ANKMY1: variants seen among roughly 807,000 people sequenced by gnomAD.
ANKMY1 encodes ankyrin repeat and MYND domain containing 1, also known as ankyrin repeat and MYND domain-containing protein 1.
Under a neutral mutation model 102.0 loss-of-function variants are expected in ANKMY1, and 98 were observed. That is an observed-to-expected ratio of 0.96 (90% CI 0.82 to 1.14). The LOEUF is 1.14. ANKMY1 is among the 50% of genes most tolerant of loss of function. ANKMY1 has a pLI of 0.00. For missense variants in ANKMY1, 1,330 were observed against 1,347.6 expected, an observed-to-expected ratio of 0.99 and a Z score of 0.20; for synonymous variants, 582 against 559.9, an observed-to-expected ratio of 1.04 and a Z score of -0.56.
chr2:240,560,885 C>A, upstream of ANKMY1: 1 of 1,508,674 alleles, frequency 6.6e-7, no homozygotes, highest in African/African-American at 1.4e-5. Flanking sequence ...CAGAGCTGCG[C>A]GTGCCCGTGT....
chr2:240,499,886 G>A lies in ANKMY1; in HGVS notation c.2806+72C>T. 1.3e-6 allele frequency: 2 copies of A among 1,505,152 alleles called. No individual in the cohort carries two copies. The highest frequency in any genetic ancestry group is 2.4e-5 in the East Asian group (1 of 42,412). 93.2% of individuals were successfully genotyped at this position (1,505,152 alleles called of 1,614,324 possible). A position where few individuals can be genotyped will look rare whatever the true frequency, so the allele number is the denominator to read the frequency against. On this transcript the variant is annotated intron_variant, in intron 15 of 17. Coordinates refer to ENST00000401804, the MANE Select transcript of ANKMY1 (RefSeq NM_001282771.3). The surrounding 1 kb of genome is among the most constrained non-coding windows in gnomAD (Gnocchi z 4.2). ...GAGCCCCAGGGGGTCCAGATCTCCA[G>A]GGATAACAGCCCCAGGCACGAGGCC...
chr2:240,500,827 G>T (rs565677458), intron 13 of ANKMY1, among the ~76,000 whole-genome samples: 19 of 152,276 alleles, frequency 1.2e-4, no homozygotes, highest in African/African-American at 4.6e-4. Context: ...GCCCTCCCTG[G>T]CACCCGACTC....
chr2:240,502,159 TG>T (rs770064227), intron 13 of ANKMY1, among the ~76,000 whole-genome samples: 22 of 151,822 alleles, frequency 1.4e-4, no homozygotes, highest in Non-Finnish European at 2.8e-4. Context: ...CTGGGGGACT[TG>T]CCAGCCCACC....
At chr2:240,560,028 A>G (rs772867314), upstream of ANKMY1, 5 of 152,416 alleles carry the variant, frequency 3.3e-5, no homozygotes, top group Admixed American at 2.0e-4. Flanking sequence ...CCAATAAATT[A>G]CTTAGAAACA....
chr2:240,532,604 G>C (rs1227326396), intron 4 of ANKMY1, among the ~76,000 whole-genome samples: 2 of 152,152 alleles, frequency 1.3e-5, no homozygotes, highest in Admixed American at 1.3e-4. Context: ...AGACTAGATA[G>C]ATAGACATAG....
chr2:240,481,615 G>A (rs2075400077), intron 16 of ANKMY1, among the ~76,000 whole-genome samples: 1 of 152,198 alleles, frequency 6.6e-6, no homozygotes, highest in Non-Finnish European at 1.5e-5. Flanking sequence ...CAGGGTTTAT[G>A]AGGTGGGGAT....
intron 11 of ANKMY1, 23 bp from the exon 12 acceptor site, chr2:240,509,478 T>G: frequency 2.6e-6 from 4 of 1,551,572 alleles, no homozygotes; most frequent in Non-Finnish European, 3.5e-6. Flanking sequence ...AAATGACAGG[T>G]TAGAGAGGCA....
Position 240,533,170 on chromosome 2 carries a change from G to A in ANKMY1, c.481-3661C>T, listed in dbSNP as rs187266983. On this transcript the variant is annotated intron_variant, in intron 4 of 17. Coordinates refer to ENST00000401804, the MANE Select transcript of ANKMY1 (RefSeq NM_001282771.3). ...GAATGCATGCTGTAATTTTTAGGGT[G>A]TTGCTAAAATAATAGAAAAAGAGTG... is the stretch of plus-strand genomic sequence containing the variant. Among the ~76,000 whole-genome samples the A allele has an allele frequency of 5.6e-4, 85 of 152,294 alleles. No individual in the cohort carries two copies. In the East Asian group the frequency reaches 0.014, roughly 26 times the overall value.
intron 9 of ANKMY1, 60 bp from the exon 10 acceptor site, chr2:240,513,002 G>A: frequency 6.4e-7 from 1 of 1,559,258 alleles, no homozygotes; most frequent in East Asian, 2.3e-5. Flanking sequence ...AGACAGGTGA[G>A]GTACCTGAGG....
chr2:240,501,773 G>A (rs1313197936), intron 13 of ANKMY1, among the ~76,000 whole-genome samples: 4 of 152,228 alleles, frequency 2.6e-5, no homozygotes, highest in African/African-American at 9.6e-5. Flanking sequence ...GGCCTGAACG[G>A]CTGACTCCCT....
At position 240,518,096 on chromosome 2, in the gene ANKMY1, G is replaced by A. The variant is rs114559266; in HGVS notation, c.2004+2266C>T. On this transcript the variant is annotated intron_variant, in intron 9 of 17. Coordinates refer to ENST00000401804, the MANE Select transcript of ANKMY1 (RefSeq NM_001282771.3). ...CTCATGATTGAGGAATTGACGAATGGGGGGGAAGGGTGTTGAAACGGGCCC... is the reference window on the plus strand; with the variant it reads ...CTCATGATTGAGGAATTGACGAATGAGGGGGAAGGGTGTTGAAACGGGCCC... Among the ~76,000 whole-genome samples, 959 of 152,268 alleles carry A rather than the reference G, an allele frequency of 6.3e-3. 12 individuals are homozygous for A. Among genetic ancestry groups the A allele is most frequent in the African/African-American group, 0.022 (906 of 41,546 alleles).
intron 15 of ANKMY1, among the ~76,000 whole-genome samples, chr2:240,491,146 G>A (rs954724580): frequency 7.0e-6 from 1 of 142,016 alleles, no homozygotes; most frequent in Non-Finnish European, 1.5e-5. Context: ...TCTGATATAA[G>A]TATACCTAGT....
downstream of ANKMY1, among the ~76,000 whole-genome samples, chr2:240,478,549 C>T (rs1211960291): frequency 2.0e-5 from 3 of 152,048 alleles, no homozygotes; most frequent in East Asian, 3.9e-4. Flanking sequence ...GGTGACCAGC[C>T]GATGCAGGGG....
intron 3 of ANKMY1, 130 bp downstream of exon 3, chr2:240,554,735 AG>A (rs1378919912): frequency 9.6e-7 from 1 of 1,045,192 alleles, no homozygotes; most frequent in Non-Finnish European, 1.4e-6. Flanking sequence ...TTTCTCAAGG[AG>A]GAAAAACTTT....
rs2152320919 is a variant in ANKMY1, at chr2:240,520,724, CCACACCAGAGCGCACACACACGG to C, written c.1833-214_1833-192del. ...CACACAGCACACAACTACACACAAG[CCACACCAGAGCGCACACACACGG>C]CACACACAGCACACCACACAGCACA... On this transcript the variant is annotated intron_variant, in intron 8 of 17. Transcript: ENST00000401804. The surrounding 1 kb of genome is among the most constrained non-coding windows in gnomAD (Gnocchi z 4.8). Among the ~76,000 whole-genome samples, 1 of 151,650 alleles carries C rather than the reference CCACACCAGAGCGCACACACACGG, an allele frequency of 6.6e-6. No individual in the cohort carries two copies. The highest frequency in any genetic ancestry group is 6.6e-5 in the Admixed American group (1 of 15,206).
intron 15 of ANKMY1, among the ~76,000 whole-genome samples, chr2:240,493,057 C>T (rs1012208950): frequency 2.6e-5 from 4 of 151,924 alleles, no homozygotes; most frequent in African/African-American, 9.7e-5. Flanking sequence ...GGTGTGGTGG[C>T]TCACACCTGT....
intron 6 of ANKMY1, 120 bp from the exon 7 acceptor site, chr2:240,525,969 A>C: frequency 5.4e-6 from 7 of 1,303,828 alleles, no homozygotes; most frequent in South Asian, 5.3e-5. Flanking sequence ...ACCAGTGCTC[A>C]TTCGGGAGCT....
At chr2:240,555,257 G>A in intron 2 of ANKMY1, 3 of 607,696 alleles carry the variant, frequency 4.9e-6, no homozygotes, top group Admixed American at 5.9e-5. Context: ...ACAGGAAGTG[G>A]AATGCACAGT....
At chr2:240,551,247 CT>C (rs1308075529) in intron 4 of ANKMY1, among the ~76,000 whole-genome samples, 1 of 151,196 alleles carries the variant, frequency 6.6e-6, no homozygotes, top group Non-Finnish European at 1.5e-5. Flanking sequence ...TTGAAATATA[CT>C]TTAAGTGTAC....
Sources: gnomAD v4.1 joint callset for allele counts (sites outside exome capture counted in the v4.1 genomes callset) on GRCh38, gnomAD v4.1.1 for gene constraint, Gnocchi (gnomAD v3.1) non-coding constraint, MANE v1.5 for transcripts, NCBI Gene and HGNC (gene_info 2026-07-23, HGNC 2026-07-21) for gene names.